ACSL4: variants seen among roughly 807,000 people sequenced by gnomAD.
ACSL4 encodes long-chain-fatty-acid--CoA ligase 4.
ACSL4 carries 9 observed loss-of-function variants against 49.1 expected under a neutral mutation model. That is an observed-to-expected ratio of 0.18 (90% CI 0.11 to 0.32). The LOEUF is 0.32. Ranked by LOEUF, ACSL4 falls within the 10% of genes least tolerant of loss-of-function variation. The pLI is 1.00. For synonymous variants in ACSL4, 191 were observed against 170.3 expected, an observed-to-expected ratio of 1.12 and a Z score of -0.95; for missense variants, 333 against 493.7, an observed-to-expected ratio of 0.67 and a Z score of 3.08.
intron 4 of ACSL4, among the ~76,000 whole-genome samples, chrX:109,682,163 C>T (rs747312439): frequency 1.8e-5 from 2 of 111,718 alleles, no homozygotes; most frequent in East Asian, 5.6e-4. Context: ...ATATTTCATT[C>T]AACAAACAAC....
intron 14 of ACSL4, among the ~76,000 whole-genome samples, chrX:109,661,014 T>C (rs182693043): frequency 9.0e-6 from 1 of 111,613 alleles, no homozygotes; most frequent in African/African-American, 3.2e-5. Flanking sequence ...TGCACACCAA[T>C]GTAAATATAC....
At chrX:109,671,434 G>A (rs1923221661) in intron 9 of ACSL4, among the ~76,000 whole-genome samples, 1 of 109,786 alleles carries the variant, frequency 9.1e-6, no homozygotes, top group African/African-American at 3.3e-5. Flanking sequence ...CGCCTGGCCA[G>A]CCACCCCATC....
intron 1 of ACSL4, among the ~76,000 whole-genome samples, chrX:109,703,413 G>T (rs1394667064): frequency 8.9e-6 from 1 of 111,739 alleles, no homozygotes; most frequent in Admixed American, 9.5e-5. Context: ...AGGACCCATG[G>T]AAATGGTGTA....
intron 1 of ACSL4, among the ~76,000 whole-genome samples, chrX:109,727,970 T>G (rs1045232008): frequency 1.8e-5 from 2 of 112,442 alleles, no homozygotes; most frequent in Admixed American, 9.4e-5. Context: ...TTTATCTTTT[T>G]CAAATAACAA....
At chrX:109,704,014 T>C (rs1440210230) in intron 1 of ACSL4, among the ~76,000 whole-genome samples, 1 of 111,838 alleles carries the variant, frequency 8.9e-6, no homozygotes, top group African/African-American at 3.3e-5. Context: ...TTTTTTAGTT[T>C]TAAGTAGTAA....
At chrX:109,671,179 G>A (rs1923182093) in intron 9 of ACSL4, among the ~76,000 whole-genome samples, 1 of 109,632 alleles carries the variant, frequency 9.1e-6, no homozygotes, top group Non-Finnish European at 1.9e-5. Flanking sequence ...TAGGAAGTGA[G>A]GAGTGTCTCT....
intron 1 of ACSL4, among the ~76,000 whole-genome samples, chrX:109,717,604 G>A (rs776569205): frequency 8.1e-5 from 9 of 111,786 alleles, no homozygotes; most frequent in Non-Finnish European, 1.1e-4. Context: ...GAATGACATT[G>A]AGGTTCAGAG....
At chrX:109,659,326 T>G (rs762308327) in intron 15 of ACSL4, 28 bp downstream of exon 15, 35 of 1,191,336 alleles carry the variant, frequency 2.9e-5, no homozygotes, top group Non-Finnish European at 3.9e-5. Flanking sequence ...TTTTAGGGAC[T>G]ATACCAGTCT....
intron 1 of ACSL4, among the ~76,000 whole-genome samples, chrX:109,728,874 G>T (rs770454878): frequency 4.5e-5 from 5 of 111,578 alleles, no homozygotes; most frequent in African/African-American, 1.6e-4. Context: ...CTACAGACTG[G>T]GAGAACATAT....
At chrX:109,690,995 C>T (rs947312133) in intron 2 of ACSL4, among the ~76,000 whole-genome samples, 10 of 110,827 alleles carry the variant, frequency 9.0e-5, no homozygotes, top group South Asian at 3.8e-4. Flanking sequence ...AAGAAGAAAT[C>T]GTCTTACCCA....
chrX:109,693,929 T>G (rs769719393), intron 2 of ACSL4, among the ~76,000 whole-genome samples: 53 of 111,915 alleles, frequency 4.7e-4, no homozygotes, highest in Admixed American at 1.8e-3. Flanking sequence ...TGTGTAGGTG[T>G]GCATCTATGA....
intron 1 of ACSL4, among the ~76,000 whole-genome samples, chrX:109,725,088 T>C (rs2147553864): frequency 9.2e-6 from 1 of 108,626 alleles, no homozygotes; most frequent in East Asian, 2.9e-4. Flanking sequence ...TTTGTTTTGT[T>C]TTTTTATTTA....
rs79301854 is a variant in ACSL4, at chrX:109,678,607, A to T, written c.656-192T>A. On this transcript the variant is annotated intron_variant, in intron 6 of 15. Coordinates refer to ENST00000672401, the MANE Select transcript of ACSL4 (RefSeq NM_001318510.2). ...TACTTTGAGAGGCCAAGGTGGGAGG[A>T]TCACTTGAGCCCTGGATTTCGAGAC... Among the ~76,000 whole-genome samples the T allele has an allele frequency of 0.054, 6,062 of 111,968 alleles. 419 individuals are homozygous for T. The highest frequency in any genetic ancestry group is 0.19 in the African/African-American group (5,732 of 30,677).
intron 2 of ACSL4, among the ~76,000 whole-genome samples, chrX:109,692,755 T>C (rs1925137257): frequency 8.9e-6 from 1 of 112,255 alleles, no homozygotes; most frequent in Non-Finnish European, 1.9e-5. Flanking sequence ...TTCGATTTAC[T>C]GGGTGCTTTT....
chrX:109,692,614 C>G (rs1427075265), intron 2 of ACSL4, among the ~76,000 whole-genome samples: 1 of 111,870 alleles, frequency 8.9e-6, no homozygotes, highest in Non-Finnish European at 1.9e-5. Flanking sequence ...GCAGACAGCA[C>G]AATGACAATG....
intron 15 of ACSL4, among the ~76,000 whole-genome samples, chrX:109,646,674 T>C (rs1237979883): frequency 1.8e-5 from 2 of 110,058 alleles, no homozygotes; most frequent in Non-Finnish European, 1.9e-5. Context: ...CATAACAATA[T>C]TAACTTTAAA....
chrX:109,726,967 T>C (rs1412572330), intron 1 of ACSL4, among the ~76,000 whole-genome samples: 2 of 110,900 alleles, frequency 1.8e-5, no homozygotes, highest in African/African-American at 6.6e-5. Context: ...TCTTCCCACC[T>C]TGGCCTCCCA....
intron 11 of ACSL4, among the ~76,000 whole-genome samples, chrX:109,667,004 G>A (rs1188328728): frequency 8.9e-6 from 1 of 111,927 alleles, no homozygotes. Flanking sequence ...GAAACCTAAT[G>A]AAGGAATGAT....
intron 1 of ACSL4, among the ~76,000 whole-genome samples, chrX:109,707,801 C>T (rs928666430): frequency 2.7e-5 from 3 of 111,701 alleles, no homozygotes; most frequent in Admixed American, 9.5e-5. Context: ...TGCAGCATTG[C>T]CAGAGTATTT....
Sources: allele counts gnomAD v4.1 joint callset (sites outside exome capture counted in the v4.1 genomes callset), GRCh38; gene constraint gnomAD v4.1.1; transcripts MANE v1.5; gene names NCBI Gene and HGNC (gene_info 2026-07-23, HGNC 2026-07-21).